The following GINM1 variants were observed in gnomAD, a reference collection of about 807,000 sequenced individuals.
The protein encoded by GINM1 is glycoprotein integral membrane protein 1.
A neutral mutation model predicts 37.8 loss-of-function variants in GINM1; 29 were observed. The observed-to-expected ratio is 0.77, with a 90% confidence interval of 0.57 to 1.05. The LOEUF is 1.05. GINM1 is among the 50% of genes least tolerant of loss of function. The pLI, the probability that GINM1 is intolerant of heterozygous loss-of-function variation, is 0.00. For missense variants in GINM1, 377 were observed against 397.9 expected, an observed-to-expected ratio of 0.95 and a Z score of 0.45; for synonymous variants, 143 against 146.2, an observed-to-expected ratio of 0.98 and a Z score of 0.16.
chr6:149,586,870 A>G (rs550651394), intron 7 of GINM1, among the ~76,000 whole-genome samples: 2 of 151,118 alleles, frequency 1.3e-5, no homozygotes, highest in African/African-American at 2.5e-5. Context: ...TCTCACCTCA[A>G]TCTCCCAAGA....
In GINM1 at chr6:149,580,717, A is replaced by G; in HGVS notation, c.711A>G (p.Ser237=). Residue 237 remains serine, a synonymous_variant, in exon 6 of 8, where the codon TCA becomes TCG. Transcript: ENST00000367419. ...CTCTCAGAGCAGAGCCGCCATCTTC[A>G]TATAAGGTAAATCAAGTATTTGGTG... ...ETPLRAEPPS[S]YKVMCQWMEK... is the part of the protein sequence containing the mutation. The G allele has an allele frequency of 6.2e-7, 1 of 1,613,490 alleles. No individual in the cohort carries two copies. Among genetic ancestry groups the G allele is most frequent in the Non-Finnish European group, 8.5e-7 (1 of 1,179,582 alleles).
intron 3 of GINM1, among the ~76,000 whole-genome samples, chr6:149,574,254 T>C (rs1453502257): frequency 6.6e-6 from 1 of 152,058 alleles, no homozygotes; most frequent in East Asian, 1.9e-4. Flanking sequence ...TTTCACCATA[T>C]TGGTCAAGGC....
At chr6:149,583,627 C>T (rs1778031919) in intron 7 of GINM1, among the ~76,000 whole-genome samples, 1 of 132,888 alleles carries the variant, frequency 7.5e-6, no homozygotes, top group Admixed American at 7.8e-5. Context: ...AACTCCCTCT[C>T]GAAAAAAAAA....
chr6:149,573,169 G>A (rs1305081348), intron 3 of GINM1, among the ~76,000 whole-genome samples: 2 of 151,982 alleles, frequency 1.3e-5, no homozygotes, highest in African/African-American at 4.8e-5. Flanking sequence ...CTGAAAATGT[G>A]GTGTGTGCGC....
intron 3 of GINM1, among the ~76,000 whole-genome samples, chr6:149,573,621 A>T (rs1777864319): frequency 6.6e-6 from 1 of 152,090 alleles, no homozygotes; most frequent in Non-Finnish European, 1.5e-5. Flanking sequence ...CGGCTCTAGC[A>T]CTTTGGGAGG....
intron 1 of GINM1, among the ~76,000 whole-genome samples, chr6:149,567,503 T>A (rs1777740025): frequency 6.6e-6 from 1 of 152,060 alleles, no homozygotes; most frequent in Non-Finnish European, 1.5e-5. Flanking sequence ...TAGCTGGGCG[T>A]GGTTGCAGGT....
At position 149,579,095 on chromosome 6, in the gene GINM1, A is replaced by G. The variant is rs142895897; in HGVS notation, c.429+122A>G. 1.3e-3 allele frequency: 638 copies of G among 498,124 alleles called. 12 individuals carry two copies. In the East Asian group the frequency reaches 0.021, roughly 16 times the overall value. 30.9% of individuals were successfully genotyped at this position (498,124 alleles called of 1,614,324 possible). A position where few individuals can be genotyped will look rare whatever the true frequency, so the allele number is the denominator to read the frequency against. On this transcript the variant is annotated intron_variant, in intron 4 of 7. Transcript: ENST00000367419. ...ATAAGGAAGGTGCCTAATGTTGCCT[A>G]TATCCAATTATTTAGAATTTTTGTA...
At chr6:149,589,718 T>TA (rs1420892218) in intron 7 of GINM1, among the ~76,000 whole-genome samples, 2 of 152,260 alleles carry the variant, frequency 1.3e-5, no homozygotes, top group Non-Finnish European at 2.9e-5. Flanking sequence ...CCATATATGT[T>TA]AGTCTTTTTC....
chr6:149,580,133 G>T, intron 5 of GINM1, 143 bp downstream of exon 5: 1 of 595,090 alleles, frequency 1.7e-6, no homozygotes, highest in Non-Finnish European at 2.9e-6. Flanking sequence ...TTGGAAATGA[G>T]CTTGTTTAAA....
intron 1 of GINM1, among the ~76,000 whole-genome samples, chr6:149,567,763 C>T (rs1044321841): frequency 4.6e-5 from 7 of 152,216 alleles, no homozygotes; most frequent in African/African-American, 9.7e-5. Context: ...ACGACATTGC[C>T]TGCCATAAGA....
chr6:149,570,139 TATATATATATATATATATATATATA>T (rs1777790491), intron 1 of GINM1, among the ~76,000 whole-genome samples: 2 of 2,794 alleles, frequency 7.2e-4, no homozygotes, highest in African/African-American at 1.0e-3. Context: ...GTAGGTTTTA[TATATATATATATATATATATATATA>T]TATATATATA....
intron 3 of GINM1, among the ~76,000 whole-genome samples, chr6:149,573,931 AAC>A (rs1424682522): frequency 6.6e-6 from 1 of 151,990 alleles, no homozygotes; most frequent in African/African-American, 2.4e-5. Flanking sequence ...ATGTCAGTAG[AAC>A]ATTTTCTTTT....
chr6:149,579,063 C>A, intron 4 of GINM1, 90 bp downstream of exon 4: 1 of 785,684 alleles, frequency 1.3e-6, no homozygotes, highest in Non-Finnish European at 1.9e-6. Flanking sequence ...TATTTGTTTC[C>A]GACTTGATAA....
At chr6:149,585,241 G>C (rs1778052883) in intron 7 of GINM1, among the ~76,000 whole-genome samples, 1 of 152,162 alleles carries the variant, frequency 6.6e-6, no homozygotes, top group Non-Finnish European at 1.5e-5. Flanking sequence ...CAAATTTGCA[G>C]TTGTACTGCA....
chr6:149,584,746 G>A (rs972319031), intron 7 of GINM1, among the ~76,000 whole-genome samples: 15 of 151,254 alleles, frequency 9.9e-5, no homozygotes, highest in Admixed American at 9.9e-4. Context: ...GCTCTTGGGA[G>A]CATTTCCTTT....
chr6:149,587,811 A>G (rs376480626), intron 7 of GINM1, among the ~76,000 whole-genome samples: 10 of 152,100 alleles, frequency 6.6e-5, no homozygotes, highest in Non-Finnish European at 1.2e-4. Context: ...CCCTTCCCCA[A>G]GGTTGGGGGA....
chr6:149,580,507 A>G (rs2115060315), intron 5 of GINM1, 86 bp from the exon 6 acceptor site: 1 of 1,201,378 alleles, frequency 8.3e-7, no homozygotes. Flanking sequence ...TGTTCTTACT[A>G]TCCTAAATGC....
intron 3 of GINM1, among the ~76,000 whole-genome samples, chr6:149,576,804 T>C (rs531660934): frequency 6.6e-6 from 1 of 152,276 alleles, no homozygotes; most frequent in African/African-American, 2.4e-5. Flanking sequence ...TTTTATGCTG[T>C]ATTAGAGGTA....
chr6:149,566,589 C>T lies in GINM1; in HGVS notation c.120+55C>T, dbSNP rs1254652685. On this transcript the variant is annotated intron_variant, in intron 1 of 7. Coordinates refer to ENST00000367419, the MANE Select transcript of GINM1 (RefSeq NM_138785.5). This position sits in a 1 kb window ranked among gnomAD's most constrained non-coding sequence, Gnocchi z 4.4. ...TTACGACTCCGACTCTCCGGGAGGC[C>T]CGGGCTGTCCACAGTGACGCTTCCC... 1.7e-5 allele frequency: 24 copies of T among 1,426,568 alleles called. No homozygotes were observed. Among genetic ancestry groups the T allele is most frequent in the Non-Finnish European group, 2.2e-5 (24 of 1,090,280 alleles). The allele number at this position is 1,426,568 out of a possible 1,614,324, so 88.4% of individuals were successfully genotyped here. A position where few individuals can be genotyped will look rare whatever the true frequency, so the allele number is the denominator to read the frequency against.
Sources: gnomAD v4.1 joint callset for allele counts (sites outside exome capture counted in the v4.1 genomes callset) on GRCh38, gnomAD v4.1.1 for gene constraint, Gnocchi (gnomAD v3.1) non-coding constraint, MANE v1.5 for transcripts, NCBI Gene and HGNC (gene_info 2026-07-23, HGNC 2026-07-21) for gene names.